Variants in NUP93 observed in about 807,000 individuals in gnomAD.
NUP93 encodes the protein nuclear pore complex protein Nup93.
Under a neutral mutation model 107.8 loss-of-function variants are expected in NUP93, and 55 were observed. The observed-to-expected ratio is 0.51, with a 90% confidence interval of 0.41 to 0.64. NUP93 has a LOEUF of 0.64. Among genes scored for constraint, NUP93 ranks in the 30% least tolerant of loss-of-function variants. The pLI is 0.00. For missense variants in NUP93, 937 were observed against 1,044.7 expected, an observed-to-expected ratio of 0.90 and a Z score of 1.42; for synonymous variants, 390 against 397.5, an observed-to-expected ratio of 0.98 and a Z score of 0.22.
chr16:56,831,654 G>A (rs1207400877), intron 10 of NUP93, 188 bp from the exon 11 acceptor site: 1 of 568,102 alleles, frequency 1.8e-6, no homozygotes, highest in African/African-American at 1.9e-5. Context: ...AGATACAGGT[G>A]CAGGTAGTTG....
intron 6 of NUP93, among the ~76,000 whole-genome samples, chr16:56,819,886 T>C (rs1263805796): frequency 6.6e-6 from 1 of 152,192 alleles, no homozygotes; most frequent in Non-Finnish European, 1.5e-5. Context: ...TTCATCACCT[T>C]CCCACACATG....
intron 3 of NUP93, among the ~76,000 whole-genome samples, chr16:56,778,861 C>G (rs548425857): frequency 6.6e-6 from 1 of 152,032 alleles, no homozygotes; most frequent in Non-Finnish European, 1.5e-5. Context: ...GAGCCACAGG[C>G]CTAGAGAGAA....
Position 56,821,608 on chromosome 16 carries a change from T to G in NUP93, c.654+15T>G. 1 of 1,577,272 alleles carries G rather than the reference T, an allele frequency of 6.3e-7. No individual in the cohort carries two copies. The highest frequency in any genetic ancestry group is 8.7e-7 in the Non-Finnish European group (1 of 1,148,108). On this transcript the variant is annotated intron_variant, in intron 7 of 21. Coordinates refer to ENST00000308159, the MANE Select transcript of NUP93 (RefSeq NM_014669.5). ...TCGATGATAAGGTAGCACCTAGAGC[T>G]AACTCAAGTAGAAACCGGGGTCCAG...
Position 56,839,580 on chromosome 16 carries a change from T to G in NUP93, c.2196T>G (p.Ala732=), listed in dbSNP as rs775936993. ...LNQESVEERV[A]AFRNFSDEIR... is the part of the protein sequence containing the mutation. ...AGGAAAGTGTGGAAGAGAGAGTGGC[T>G]GCCTTCAGAAATTTCAGTGATGAAG... Residue 732 remains alanine (A), a synonymous_variant, in exon 20 of 22, where the codon GCT becomes GCG. Transcript: ENST00000308159. 2 of 1,614,026 alleles carry G rather than the reference T, an allele frequency of 1.2e-6. No individual in the cohort carries two copies. The highest frequency in any genetic ancestry group is 2.2e-5 in the South Asian group (2 of 91,072).
chr16:56,837,761 GTGCCAC>G lies in NUP93; in HGVS notation c.2018+41_2018+46del, dbSNP rs754904097. The G allele has an allele frequency of 2.3e-5, 36 of 1,549,996 alleles. 1 individual carries two copies. In the South Asian group the frequency reaches 3.5e-4, roughly 15 times the overall value. ...GAGCTGGCTCCATGGGACCCTGAGG[GTGCCAC>G]TGCCAGTGCCAGGCCACCTATGCCC... On this transcript the variant is annotated intron_variant, in intron 18 of 21. Transcript: ENST00000308159.
chr16:56,804,250 A>G (rs189738322), intron 4 of NUP93, among the ~76,000 whole-genome samples: 1 of 152,326 alleles, frequency 6.6e-6, no homozygotes, highest in African/African-American at 2.4e-5. Context: ...AAGCAGGGAT[A>G]TTTGTACACC....
Position 56,844,596 on chromosome 16 carries a change from T to G in NUP93, c.2447T>G (p.Val816Gly). The G allele has an allele frequency of 6.3e-7, 1 of 1,590,756 alleles. No individual in the cohort carries two copies. Among genetic ancestry groups the G allele is most frequent in the Non-Finnish European group, 8.6e-7 (1 of 1,168,674 alleles). ...AATGCGAGGCTGGTGCAGATGGAGG[T>G]CCTCATGAATTAAGTGCCATGCTTT... is the stretch of plus-strand genomic sequence containing the variant. Reference protein sequence around the residue: ...DTNARLVQMEVLMN With the variant: ...DTNARLVQMEGLMN The change falls in exon 22 of 22, where the codon GTC becomes GGC. Residue 816 changes from valine to glycine, a missense_variant. Val to Gly is a moderately radical substitution (Grantham distance 109). Transcript: ENST00000308159.
chr16:56,731,526 G>C (rs574608798), intron 1 of NUP93, among the ~76,000 whole-genome samples: 1 of 151,782 alleles, frequency 6.6e-6, no homozygotes, highest in East Asian at 1.9e-4. Flanking sequence ...TCCTACTTCG[G>C]CCTCCCAAGT....
intron 6 of NUP93, among the ~76,000 whole-genome samples, chr16:56,820,442 A>C (rs1419402106): frequency 6.6e-6 from 1 of 152,130 alleles, no homozygotes; most frequent in African/African-American, 2.4e-5. Context: ...CAGCCTCCCA[A>C]GTAGCTGGGA....
At chr16:56,811,565 GA>G (rs2144589704) in intron 5 of NUP93, among the ~76,000 whole-genome samples, 1 of 152,062 alleles carries the variant, frequency 6.6e-6, no homozygotes, top group South Asian at 2.1e-4. Flanking sequence ...GGCTGGAGTG[GA>G]ATGGCGTGAT....
intron 2 of NUP93, among the ~76,000 whole-genome samples, chr16:56,757,448 A>G (rs1357555160): frequency 6.6e-6 from 1 of 152,120 alleles, no homozygotes; most frequent in Non-Finnish European, 1.5e-5. Flanking sequence ...CCCTGTCTGA[A>G]AATAAAATAA....
rs144344389 is a variant in NUP93 at position 56,839,998 on chromosome 16, T to C, written c.2220+394T>C. Reference sequence around the variant, plus strand: ...AACACATCATGATTCACTGCCACCTTTGCCCTCCCTTATCTGTTTTGGGAT... The same window carrying C: ...AACACATCATGATTCACTGCCACCTCTGCCCTCCCTTATCTGTTTTGGGAT... On this transcript the variant is annotated intron_variant, in intron 20 of 21. Transcript: ENST00000308159. 5.1e-4 allele frequency: 95 copies of C among 184,762 alleles called. 1 individual carries two copies. Among genetic ancestry groups the C allele is most frequent in the Middle Eastern group, 2.3e-3 (1 of 432 alleles). The allele number at this position is 184,762 out of a possible 1,614,324, so 11.4% of individuals were successfully genotyped here.
chr16:56,805,683 A>C (rs1963122968), intron 5 of NUP93, 51 bp downstream of exon 5: 3 of 1,566,236 alleles, frequency 1.9e-6, no homozygotes, highest in Non-Finnish European at 2.6e-6. Flanking sequence ...ATGAAGTCAA[A>C]GAATACTTGT....
chr16:56,805,885 C>T (rs1451605651), intron 5 of NUP93, among the ~76,000 whole-genome samples: 1 of 151,946 alleles, frequency 6.6e-6, no homozygotes, highest in Admixed American at 6.6e-5. Flanking sequence ...GGGCTCAGTC[C>T]TTAACCTCTT....
intron 3 of NUP93, among the ~76,000 whole-genome samples, chr16:56,790,781 CTT>C (rs1300577942): frequency 6.6e-6 from 1 of 152,208 alleles, no homozygotes; most frequent in Non-Finnish European, 1.5e-5. Flanking sequence ...AAAGTACTAA[CTT>C]TAGTACCAAC....
chr16:56,812,539 T>G (rs1472220002), intron 5 of NUP93, among the ~76,000 whole-genome samples: 2 of 152,092 alleles, frequency 1.3e-5, no homozygotes, highest in African/African-American at 4.8e-5. Context: ...GAGACGGGGC[T>G]TCACTGTGTT....
chr16:56,765,538 G>C (rs1175455495), intron 3 of NUP93, among the ~76,000 whole-genome samples: 1 of 152,156 alleles, frequency 6.6e-6, no homozygotes, highest in East Asian at 1.9e-4. Context: ...GGAACACCAG[G>C]TACATTTTAG....
intron 16 of NUP93, 24 bp from the exon 17 acceptor site, chr16:56,836,577 C>G (rs1276633702): frequency 1.5e-6 from 2 of 1,370,300 alleles, no homozygotes; most frequent in Non-Finnish European, 2.1e-6. Flanking sequence ...TCTCTTCCTC[C>G]CCCTCCATAA....
At chr16:56,747,891 A>G (rs1961847602) in intron 1 of NUP93, 1 of 167,340 alleles carries the variant, frequency 6.0e-6, no homozygotes, top group Non-Finnish European at 1.3e-5. Context: ...AGCCTCCTAG[A>G]GTGCCACAGT....
Sources: allele counts gnomAD v4.1 joint callset (sites outside exome capture counted in the v4.1 genomes callset), GRCh38; gene constraint gnomAD v4.1.1; transcripts MANE v1.5; gene names NCBI Gene and HGNC (gene_info 2026-07-23, HGNC 2026-07-21).